IQSEC1: variants seen among roughly 807,000 people sequenced by gnomAD.
The protein encoded by IQSEC1 is IQ motif and SEC7 domain-containing protein 1.
Under a neutral mutation model 91.0 loss-of-function variants are expected in IQSEC1, and 31 were observed. That is an observed-to-expected ratio of 0.34 (90% CI 0.26 to 0.46). IQSEC1 has a LOEUF of 0.46. Among genes scored for constraint, IQSEC1 ranks in the 20% least tolerant of loss-of-function variants. IQSEC1 has a pLI of 1.00. For synonymous variants in IQSEC1, 699 were observed against 662.6 expected (o/e 1.05, Z -0.84); for missense variants, 1,388 against 1,575.6 (o/e 0.88, Z 2.02).
At chr3:13,072,528 T>A (rs1246001448) in intron 1 of IQSEC1, among the ~76,000 whole-genome samples, 1 of 152,202 alleles carries the variant, frequency 6.6e-6, no homozygotes, top group East Asian at 1.9e-4. Context: ...CTAGGGACGG[T>A]GGGCTGGACC....
chr3:13,276,262 G>C (rs1205799542), intron 1 of IQSEC1, among the ~76,000 whole-genome samples: 3 of 151,618 alleles, frequency 2.0e-5, no homozygotes, highest in African/African-American at 7.3e-5. Flanking sequence ...CTAATTTTTT[G>C]TATTTTTAGT....
At chr3:12,965,024 C>T (rs1700473502) in intron 1 of IQSEC1, among the ~76,000 whole-genome samples, 1 of 152,188 alleles carries the variant, frequency 6.6e-6, no homozygotes, top group South Asian at 2.1e-4. Flanking sequence ...GAGTGAAAGC[C>T]TGAAAATCCT....
chr3:13,089,300 T>C (rs950480540), intron 2 of IQSEC1, among the ~76,000 whole-genome samples: 1 of 152,230 alleles, frequency 6.6e-6, no homozygotes, highest in Non-Finnish European at 1.5e-5. Flanking sequence ...AAATAAAATT[T>C]GGGGAGCACT....
At chr3:13,181,606 T>C (rs1693845859) in intron 1 of IQSEC1, among the ~76,000 whole-genome samples, 1 of 152,162 alleles carries the variant, frequency 6.6e-6, no homozygotes, top group South Asian at 2.1e-4. Context: ...GTTTACAGTC[T>C]AGCCAGGTAG....
chr3:13,124,561 T>C (rs992984072), intron 2 of IQSEC1, among the ~76,000 whole-genome samples: 3 of 152,176 alleles, frequency 2.0e-5, no homozygotes, highest in South Asian at 2.1e-4. Flanking sequence ...GGGATGTTAA[T>C]GGCACTGCCC....
rs775882374 is a variant in IQSEC1 at position 12,901,026 on chromosome 3, G to C, written c.3302C>G (p.Thr1101Ser). Residue 1101 changes from threonine to serine, a missense_variant, in exon 14 of 14, where the codon ACC becomes AGC. This residue lies in a region of IQSEC1 where 329 missense variants were observed against 257.8 expected (regional missense o/e 1.28). Coordinates refer to ENST00000613206, the MANE Select transcript of IQSEC1 (RefSeq NM_001134382.3). ...GCCGCTGGGTTTGGCCTTGCTGCTG[G>C]TGGGGGGCGGCGGGGCAGGGGGCTG... is the stretch of plus-strand genomic sequence containing the variant. ...HGQPPAPPPP[T>S]SSKAKPSGIS... is the part of the protein sequence containing the mutation. The C allele has an allele frequency of 6.5e-7, 1 of 1,544,522 alleles. No homozygotes were observed. The highest frequency in any genetic ancestry group is 2.4e-5 in the East Asian group (1 of 40,920).
chr3:13,010,602 C>T (rs1244281809), intron 1 of IQSEC1, among the ~76,000 whole-genome samples: 2 of 152,164 alleles, frequency 1.3e-5, no homozygotes, highest in East Asian at 1.9e-4. Context: ...CCCCCGAATC[C>T]AACTGTACCT....
intron 1 of IQSEC1, among the ~76,000 whole-genome samples, chr3:13,062,858 T>A (rs1358570405): frequency 1.3e-5 from 2 of 152,210 alleles, no homozygotes; most frequent in Admixed American, 1.3e-4. Context: ...GACATCTTGA[T>A]GAGGGATGAA....
Position 12,994,759 on chromosome 3 carries a change from G to C in IQSEC1, c.24-52894C>G, listed in dbSNP as rs1702158665. On this transcript the variant is annotated intron_variant, in intron 1 of 13. Transcript: ENST00000613206. The surrounding 1 kb of genome is among the most constrained non-coding windows in gnomAD (Gnocchi z 4.5). ...CACACCCTCCTGACTGTTTGGGGAC[G>C]GGGTGGGGACCTGGGCCTGCCGGTG... Among the ~76,000 whole-genome samples, 3 of 152,198 alleles carry C rather than the reference G, an allele frequency of 2.0e-5. No homozygotes were observed. Among genetic ancestry groups the C allele is most frequent in the Admixed American group, 2.0e-4 (3 of 15,300 alleles).
At chr3:13,137,344 A>C (rs1706727604) in intron 2 of IQSEC1, among the ~76,000 whole-genome samples, 1 of 152,260 alleles carries the variant, frequency 6.6e-6, no homozygotes, top group Admixed American at 6.5e-5. Context: ...ATTTATTTTC[A>C]CATCAGCGAA....
chr3:13,241,441 G>A (rs577272835), intron 1 of IQSEC1, among the ~76,000 whole-genome samples: 4 of 152,276 alleles, frequency 2.6e-5, no homozygotes, highest in South Asian at 2.1e-4. Context: ...AGGTGTGTCC[G>A]CTGTGACGTC....
In IQSEC1 at chr3:12,908,247, G is replaced by A. The variant is rs1457729104; in HGVS notation, c.2755+102C>T. ...TCAGGGGAAATGCCGCACTGGCTTC[G>A]CCGCAGGCCCTGCCCCGCGTGATGC... is the stretch of plus-strand genomic sequence containing the variant. On this transcript the variant is annotated intron_variant, in intron 12 of 13. Transcript: ENST00000613206. This position sits in a 1 kb window ranked among gnomAD's most constrained non-coding sequence, Gnocchi z 4.9. The A allele has an allele frequency of 1.1e-5, 14 of 1,260,876 alleles. No individual in the cohort carries two copies. Among genetic ancestry groups the A allele is most frequent in the African/African-American group, 1.5e-5 (1 of 67,490 alleles). 78.1% of individuals were successfully genotyped at this position (1,260,876 alleles called of 1,614,324 possible). A position where few individuals can be genotyped will look rare whatever the true frequency, so the allele number is the denominator to read the frequency against.
intron 2 of IQSEC1, among the ~76,000 whole-genome samples, chr3:13,110,731 G>A (rs1297874542): frequency 2.0e-5 from 3 of 152,180 alleles, no homozygotes; most frequent in Admixed American, 1.3e-4. Flanking sequence ...GGGCTTTCCA[G>A]GCTGCTGAGC....
In IQSEC1 at chr3:13,193,219, G is replaced by A. The variant is rs1268035395; in HGVS notation, c.273-29086C>T. Among the ~76,000 whole-genome samples the A allele has an allele frequency of 1.3e-5, 2 of 152,208 alleles. No homozygotes were observed. The highest frequency in any genetic ancestry group is 2.9e-5 in the Non-Finnish European group (2 of 68,036). The stretch of plus-strand genomic sequence containing the variant: ...CTCATGGGCATCTCTGCTCCCTGTC[G>A]CCCACCAGCTCCCTCTCTGCCTGTG... On this transcript the variant is annotated intron_variant, in intron 1 of 15. Transcript: ENST00000648114. The surrounding 1 kb of genome is among the most constrained non-coding windows in gnomAD (Gnocchi z 4.2).
intron 6 of IQSEC1, among the ~76,000 whole-genome samples, chr3:12,918,721 C>G (rs1361423601): frequency 6.6e-6 from 1 of 152,136 alleles, no homozygotes; most frequent in Non-Finnish European, 1.5e-5. Context: ...ACCTGGCAGG[C>G]TGAGGCAGGA....
intron 2 of IQSEC1, among the ~76,000 whole-genome samples, chr3:13,085,781 G>A (rs1157040580): frequency 1.3e-5 from 2 of 152,332 alleles, no homozygotes; most frequent in East Asian, 1.9e-4. Flanking sequence ...TCTGAGACTC[G>A]TCGCTGGCCT....
intron 1 of IQSEC1, among the ~76,000 whole-genome samples, chr3:12,993,832 G>A (rs1353227448): frequency 6.6e-6 from 1 of 152,022 alleles, no homozygotes; most frequent in East Asian, 1.9e-4. Context: ...CCCTGCGGCC[G>A]GTGCGGGCTT....
chr3:13,194,937 C>A (rs1694100447), intron 1 of IQSEC1, among the ~76,000 whole-genome samples: 1 of 152,128 alleles, frequency 6.6e-6, no homozygotes, highest in Non-Finnish European at 1.5e-5. Context: ...TAGCCTGAGG[C>A]AAAGAGTTCA....
intron 2 of IQSEC1, among the ~76,000 whole-genome samples, chr3:13,114,915 G>A (rs1029026631): frequency 3.3e-5 from 5 of 152,296 alleles, no homozygotes; most frequent in African/African-American, 9.6e-5. Context: ...CAGCCAGTGC[G>A]GGAGCCGGTA....
Sources: gnomAD v4.1 joint callset for allele counts (sites outside exome capture counted in the v4.1 genomes callset) on GRCh38, gnomAD v4.1.1 for gene constraint, gnomAD v4.1.1 regional missense constraint, Gnocchi (gnomAD v3.1) non-coding constraint, MANE v1.5 for transcripts, NCBI Gene and HGNC (gene_info 2026-07-23, HGNC 2026-07-21) for gene names.